KCNH1: variants seen among roughly 807,000 people sequenced by gnomAD.
KCNH1 encodes potassium voltage-gated channel subfamily H member 1.
Under a neutral mutation model 69.2 loss-of-function variants are expected in KCNH1, and 27 were observed. The ratio of observed to expected loss-of-function variants is 0.39; its 90% CI spans 0.29 to 0.54. The LOEUF (loss-of-function observed/expected upper bound fraction) is 0.54, where lower values mean the gene tolerates loss of function less well. Ranked by LOEUF, KCNH1 falls within the 20% of genes least tolerant of loss-of-function variation. The pLI is 0.68. For synonymous variants in KCNH1, 456 were observed against 487.7 expected, an observed-to-expected ratio of 0.93 and a Z score of 0.86; for missense variants, 798 against 1,261.6, an observed-to-expected ratio of 0.63 and a Z score of 5.57.
At chr1:211,128,501 T>C (rs1300482385) in intron 1 of KCNH1, among the ~76,000 whole-genome samples, 1 of 151,948 alleles carries the variant, frequency 6.6e-6, no homozygotes, top group Non-Finnish European at 1.5e-5. Context: ...AAGAAAGTGA[T>C]CACCATAAAA....
At chr1:211,054,046 G>A (rs1016689341) in intron 5 of KCNH1, among the ~76,000 whole-genome samples, 1 of 151,822 alleles carries the variant, frequency 6.6e-6, no homozygotes, top group Non-Finnish European at 1.5e-5. Context: ...AAGGCAGGCA[G>A]ATCACCTGAG....
chr1:210,752,651 A>G (rs1683306705), intron 10 of KCNH1, among the ~76,000 whole-genome samples: 1 of 152,176 alleles, frequency 6.6e-6, no homozygotes, highest in South Asian at 2.1e-4. Context: ...GAAATAGGGA[A>G]CAGAGGATGA....
chr1:210,966,471 T>C (rs1454444486), intron 6 of KCNH1, among the ~76,000 whole-genome samples: 1 of 152,196 alleles, frequency 6.6e-6, no homozygotes, highest in Admixed American at 6.5e-5. Context: ...GAGAAAATTT[T>C]TGCAAGCTAC....
intron 5 of KCNH1, among the ~76,000 whole-genome samples, chr1:211,041,847 C>T (rs968471699): frequency 2.0e-5 from 3 of 152,044 alleles, no homozygotes; most frequent in Non-Finnish European, 2.9e-5. Flanking sequence ...CTCTGCCTCC[C>T]GGGTTCAAGT....
At chr1:210,854,705 T>C (rs1685795090) in intron 7 of KCNH1, among the ~76,000 whole-genome samples, 1 of 152,118 alleles carries the variant, frequency 6.6e-6, no homozygotes, top group African/African-American at 2.4e-5. Context: ...AAGGGAGAAG[T>C]CCAGACTCCA....
At position 211,107,354 on chromosome 1, in the gene KCNH1, C is replaced by G. The variant is rs1165808410; in HGVS notation, c.103G>C (p.Ala35Pro). 1 of 1,605,468 alleles carries G rather than the reference C, an allele frequency of 6.2e-7. No homozygotes were observed. Among genetic ancestry groups the G allele is most frequent in the African/African-American group, 1.4e-5 (1 of 72,762 alleles). The change falls in exon 2 of 11, where the codon GCT becomes CCT. Residue 35 changes from alanine to proline, a missense_variant. Physicochemically the swap from Ala to Pro is conservative, Grantham distance 27 (BLOSUM62 -1). Transcript: ENST00000271751. Reference sequence around the variant, plus strand: ...ACAATAGGCCAGTCCACTATCTGAGCATTCCCCAACACAAAATTAGTATCT... The same window carrying G: ...ACAATAGGCCAGTCCACTATCTGAGGATTCCCCAACACAAAATTAGTATCT... Reference protein sequence around the residue: ...SNDTNFVLGNAQIVDWPIVYS... With the variant: ...SNDTNFVLGNPQIVDWPIVYS...
At chr1:210,701,787 C>T (rs1205998476) in intron 10 of KCNH1, among the ~76,000 whole-genome samples, 1 of 152,098 alleles carries the variant, frequency 6.6e-6, no homozygotes, top group Non-Finnish European at 1.5e-5. Context: ...GTTTCTGGGG[C>T]CATCTGTCCC....
At chr1:210,953,344 C>A (rs552765564) in intron 6 of KCNH1, among the ~76,000 whole-genome samples, 8 of 152,202 alleles carry the variant, frequency 5.3e-5, no homozygotes, top group Admixed American at 1.3e-4. Flanking sequence ...AGCTGGCATC[C>A]ACCCTCAGCA....
chr1:210,874,729 C>CAT (rs1686330154), intron 7 of KCNH1, among the ~76,000 whole-genome samples: 1 of 151,998 alleles, frequency 6.6e-6, no homozygotes, highest in Non-Finnish European at 1.5e-5. Context: ...AGCATACATA[C>CAT]ATATATATAT....
At chr1:210,862,206 G>C in intron 7 of KCNH1, 1 of 1,216,846 alleles carries the variant, frequency 8.2e-7, no homozygotes, top group Admixed American at 1.7e-5. Flanking sequence ...GTGCTTCATT[G>C]AGCTGGCGCT....
intron 10 of KCNH1, among the ~76,000 whole-genome samples, chr1:210,745,927 G>T (rs578118504): frequency 1.3e-5 from 2 of 152,306 alleles, no homozygotes; most frequent in East Asian, 1.9e-4. Context: ...GCACTAGAGG[G>T]GGGGTGGTGC....
chr1:211,058,762 C>A (rs1690363360), intron 5 of KCNH1, among the ~76,000 whole-genome samples: 1 of 152,050 alleles, frequency 6.6e-6, no homozygotes, highest in Non-Finnish European at 1.5e-5. Flanking sequence ...TGTAAATGGA[C>A]TAACCTCTCC....
At chr1:210,750,085 G>A (rs1350546508) in intron 10 of KCNH1, among the ~76,000 whole-genome samples, 2 of 152,138 alleles carry the variant, frequency 1.3e-5, no homozygotes, top group Admixed American at 6.6e-5. Context: ...CTGAAATGTG[G>A]GCAGCAGAAA....
intron 3 of KCNH1, among the ~76,000 whole-genome samples, chr1:211,101,521 C>G (rs893500246): frequency 5.9e-5 from 9 of 152,186 alleles, no homozygotes; most frequent in African/African-American, 2.2e-4. Flanking sequence ...CCCCCACTGG[C>G]CCACTAGTCA....
chr1:210,738,674 C>G (rs374595329), intron 10 of KCNH1, among the ~76,000 whole-genome samples: 11 of 150,190 alleles, frequency 7.3e-5, no homozygotes, highest in African/African-American at 2.7e-4. Context: ...AAGGACTCCT[C>G]CTCCTGTCTC....
chr1:210,976,396 C>G (rs1688610910), intron 6 of KCNH1, among the ~76,000 whole-genome samples: 1 of 148,114 alleles, frequency 6.8e-6, no homozygotes, highest in Admixed American at 7.0e-5. Context: ...GTGGCACATA[C>G]AATGAGATAC....
intron 6 of KCNH1, among the ~76,000 whole-genome samples, chr1:210,937,192 G>A (rs1291844464): frequency 2.6e-5 from 4 of 152,128 alleles, no homozygotes; most frequent in African/African-American, 4.8e-5. Context: ...GCAATCAGAT[G>A]TTCACTCCCA....
intron 7 of KCNH1, among the ~76,000 whole-genome samples, chr1:210,818,741 T>C (rs1373757420): frequency 2.0e-5 from 3 of 152,188 alleles, no homozygotes; most frequent in African/African-American, 7.2e-5. Flanking sequence ...TATCCCTAAA[T>C]GTAGCTCATA....
chr1:210,759,942 A>G (rs1385934836), intron 10 of KCNH1, among the ~76,000 whole-genome samples: 2 of 152,186 alleles, frequency 1.3e-5, no homozygotes, highest in Non-Finnish European at 2.9e-5. Flanking sequence ...GCGGCAGGTG[A>G]GCAAGCACTG....
Sources: allele counts gnomAD v4.1 joint callset (sites outside exome capture counted in the v4.1 genomes callset), GRCh38; gene constraint gnomAD v4.1.1; transcripts MANE v1.5; gene names NCBI Gene and HGNC (gene_info 2026-07-23, HGNC 2026-07-21).